Variants in TOP2B observed in about 807,000 individuals in gnomAD.
TOP2B encodes DNA topoisomerase II beta, also known as DNA topoisomerase 2-beta.
A neutral mutation model predicts 193.5 loss-of-function variants in TOP2B; 51 were observed. That is an observed-to-expected ratio of 0.26 (90% CI 0.21 to 0.33). The LOEUF (loss-of-function observed/expected upper bound fraction) is 0.33, where lower values mean the gene tolerates loss of function less well. TOP2B is among the 10% of genes least tolerant of loss of function. TOP2B has a pLI of 1.00. For synonymous variants in TOP2B, 634 were observed against 635.7 expected (o/e 1.00, Z 0.04); for missense variants, 1,378 against 1,909.3 (o/e 0.72, Z 5.19).
chr3:25,629,949 G>A, intron 13 of TOP2B, 80 bp downstream of exon 13: 1 of 1,392,668 alleles, frequency 7.2e-7, no homozygotes, highest in Non-Finnish European at 9.6e-7. Context: ...CCATCTTCGG[G>A]CAAGTCTCAT....
chr3:25,611,435 C>T (rs1185479125), intron 28 of TOP2B, among the ~76,000 whole-genome samples: 1 of 152,176 alleles, frequency 6.6e-6, no homozygotes, highest in Non-Finnish European at 1.5e-5. Context: ...GCACAGAGAA[C>T]TCTCCAATCT....
chr3:25,618,872 G>A, intron 23 of TOP2B, 23 bp from the exon 24 acceptor site: 1 of 1,537,490 alleles, frequency 6.5e-7, no homozygotes. Context: ...CATATACTTT[G>A]CAGATCATAT....
intron 4 of TOP2B, among the ~76,000 whole-genome samples, chr3:25,639,897 C>T (rs1334850315): frequency 6.6e-6 from 1 of 152,110 alleles, no homozygotes. Flanking sequence ...TGTCCATTAG[C>T]TATTAAAATT....
In TOP2B at chr3:25,633,417, C is replaced by G. The variant is rs145114742; in HGVS notation, c.1026+424G>C. ...CCCAGACATGCCACCCTCTTGGCACCTCAAATGTATTCACCAACCTAGGAG... is the reference window on the plus strand; with the variant it reads ...CCCAGACATGCCACCCTCTTGGCACGTCAAATGTATTCACCAACCTAGGAG... On this transcript the variant is annotated intron_variant, in intron 8 of 35. Coordinates refer to ENST00000264331, the MANE Select transcript of TOP2B (RefSeq NM_001330700.2). Among the ~76,000 whole-genome samples, 357 of 152,232 alleles carry G rather than the reference C, an allele frequency of 2.3e-3. 4 individuals are homozygous for G. The highest frequency in any genetic ancestry group is 8.2e-3 in the African/African-American group (341 of 41,556).
chr3:25,609,509 A>AATACTCT (rs1214948913), intron 29 of TOP2B, 59 bp downstream of exon 29: 1 of 1,550,080 alleles, frequency 6.5e-7, no homozygotes, highest in African/African-American at 1.4e-5. Flanking sequence ...AGAATCTAGT[A>AATACTCT]ATACTCTATA....
intron 13 of TOP2B, 80 bp from the exon 14 acceptor site, chr3:25,629,225 G>A (rs1702889152): frequency 9.2e-7 from 1 of 1,086,910 alleles, no homozygotes; most frequent in Admixed American, 2.9e-5. Flanking sequence ...TTTAAAACGT[G>A]AATGCAAAAA....
rs143598302 is a variant in TOP2B at position 25,653,631 on chromosome 3, T to C, written c.70-8161A>G. On this transcript the variant is annotated intron_variant, in intron 1 of 35. Coordinates refer to ENST00000264331, the MANE Select transcript of TOP2B (RefSeq NM_001330700.2). ...TTCTTCTAGAGACAAGGTTTTACCA[T>C]ATTGTCCAGGATGGTCTTAAACTCC... Among the ~76,000 whole-genome samples, 12 of 152,268 alleles carry C rather than the reference T, an allele frequency of 7.9e-5. No individual in the cohort carries two copies. In the East Asian group the frequency reaches 1.5e-3, roughly 20 times the overall value.
chr3:25,624,638 G>T, intron 19 of TOP2B, 44 bp downstream of exon 19: 1 of 1,601,856 alleles, frequency 6.2e-7, no homozygotes, highest in South Asian at 1.1e-5. Context: ...CATTCTTCAA[G>T]ACAATAATTA....
rs1210704929 is a variant in TOP2B at position 25,664,900 on chromosome 3, G to GCA, written c.-605_-604dup. 5.2e-5 allele frequency: 51 copies of GCA among 988,708 alleles called. No homozygotes were observed. In the African/African-American group the frequency reaches 8.4e-4, roughly 16 times the overall value. 61.2% of individuals were successfully genotyped at this position (988,708 alleles called of 1,614,324 possible). ...CCTCCCTCTTGTCCGGCATAACACC[G>GCA]CACACACACATTTGCACACCGGGGA... is the stretch of plus-strand genomic sequence containing the variant. On this transcript the variant is annotated 5_prime_UTR_variant, in exon 1 of 36. Transcript: ENST00000264331.
chr3:25,644,058 A>C lies in TOP2B; in HGVS notation c.241-274T>G, dbSNP rs1299391403. ...ATTAGAAACAGTATTAAATAGTTGA[A>C]AAAATAAAAACATTACTTTTCATAA... On this transcript the variant is annotated intron_variant, in intron 2 of 35. Transcript: ENST00000264331. Among the ~76,000 whole-genome samples the C allele has an allele frequency of 2.6e-5, 4 of 152,170 alleles. No individual in the cohort carries two copies. The East Asian group carries it at 7.7e-4, about 29-fold the overall frequency.
rs759564813 is a variant in TOP2B, at chr3:25,620,741, A to G, written c.2803T>C (p.Phe935Leu). Residue 935 changes from phenylalanine (F) to leucine (L), a missense_variant, in exon 22 of 36, where the codon TTT becomes CTT. Coordinates refer to ENST00000264331, the MANE Select transcript of TOP2B (RefSeq NM_001330700.2). ...QNQYAVSGEI[F>L]VVDRNTVEIT... ...TCTACTGTGTTTCTGTCCACTACAAATATTTCACCACTGACTGCATACTGG... is the reference window on the plus strand; with the variant it reads ...TCTACTGTGTTTCTGTCCACTACAAGTATTTCACCACTGACTGCATACTGG... 17 of 1,613,222 alleles carry G rather than the reference A, an allele frequency of 1.1e-5. No individual in the cohort carries two copies. Among genetic ancestry groups the G allele is most frequent in the Non-Finnish European group, 1.4e-5 (17 of 1,179,590 alleles).
At chr3:25,627,122 G>T in intron 16 of TOP2B, 65 bp downstream of exon 16, 1 of 1,145,354 alleles carries the variant, frequency 8.7e-7, no homozygotes, top group South Asian at 1.5e-5. Flanking sequence ...AACCAGGACT[G>T]GGAGGAAAGG....
In TOP2B at chr3:25,619,936, T is replaced by C; in HGVS notation, c.2989A>G (p.Lys997Glu). ...VKFVVKMTEE[K>E]LAQAEAAGLH... Reference sequence around the variant, plus strand: ...CCAGCAGCTTCTGCTTGTGCTAGTTTCTCTTCAGTCATTTTCACCACAAAT... The same window carrying C: ...CCAGCAGCTTCTGCTTGTGCTAGTTCCTCTTCAGTCATTTTCACCACAAAT... The change falls in exon 23 of 36, where the codon AAA (lysine) becomes GAA (glutamate). Residue 997 changes from lysine (K) to glutamate (E), a missense_variant. By Grantham distance (56) the Lys-to-Glu change is moderately conservative. Transcript: ENST00000264331. The C allele has an allele frequency of 6.2e-7, 1 of 1,613,344 alleles. No individual in the cohort carries two copies. Among genetic ancestry groups the C allele is most frequent in the Non-Finnish European group, 8.5e-7 (1 of 1,179,706 alleles).
At chr3:25,618,262 T>G in intron 25 of TOP2B, 156 bp downstream of exon 25, 1 of 610,442 alleles carries the variant, frequency 1.6e-6, no homozygotes. Context: ...TCCTGTACTT[T>G]ATCTGTTCTG....
Position 25,627,269 on chromosome 3 carries a change from G to C in TOP2B, c.1934C>G (p.Ala645Gly). 6.2e-7 allele frequency: 1 copy of C among 1,608,470 alleles called. No individual in the cohort carries two copies. ...KGLGTSTAKE[A>G]KEYFADMERH... ...TTCCATATCAGCAAAATATTCCTTTGCTTCTTTAGCTGTACTAGTACCCAA... is the reference window on the plus strand; with the variant it reads ...TTCCATATCAGCAAAATATTCCTTTCCTTCTTTAGCTGTACTAGTACCCAA... Residue 645 changes from alanine (A) to glycine (G), a missense_variant, in exon 16 of 36, where the codon GCA becomes GGA. Physicochemically the swap from Ala to Gly is moderately conservative, Grantham distance 60. Coordinates refer to ENST00000264331, the MANE Select transcript of TOP2B (RefSeq NM_001330700.2).
chr3:25,625,752 T>C (rs1702784745), intron 18 of TOP2B, among the ~76,000 whole-genome samples: 1 of 152,218 alleles, frequency 6.6e-6, no homozygotes, highest in African/African-American at 2.4e-5. Context: ...ATCTTTTCAG[T>C]ATATGCTATC....
At position 25,626,810 on chromosome 3, in the gene TOP2B, C is replaced by A; in HGVS notation, c.2071G>T (p.Glu691Ter). 1 of 1,607,698 alleles carries A rather than the reference C, an allele frequency of 6.2e-7. No homozygotes were observed. Among genetic ancestry groups the A allele is most frequent in the Non-Finnish European group, 8.5e-7 (1 of 1,177,412 alleles). Residue 691 changes from glutamate to a stop codon, truncating the protein, a stop_gained, in exon 17 of 36, where the codon GAA becomes TAA. Transcript: ENST00000264331. LOFTEE classifies it high-confidence loss of function. ...DRKEWLTNFM[E>*]DRRQRRLHGL... is the part of the protein sequence containing the mutation. The stretch of plus-strand genomic sequence containing the variant: ...TGTAGCCTACGCTGTCTCCGGTCTT[C>A]CATAAAATTTGTTAACCATTCTTTT...
At chr3:25,659,183 A>G (rs1703838866) in intron 1 of TOP2B, among the ~76,000 whole-genome samples, 1 of 152,134 alleles carries the variant, frequency 6.6e-6, no homozygotes, top group Non-Finnish European at 1.5e-5. Context: ...CCATCCCATG[A>G]TGTTCATTCT....
Position 25,606,102 on chromosome 3 carries a change from T to C in TOP2B, c.4319A>G (p.Lys1440Arg). The C allele has an allele frequency of 6.7e-7, 1 of 1,503,284 alleles. No homozygotes were observed. Among genetic ancestry groups the C allele is most frequent in the Non-Finnish European group, 9.0e-7 (1 of 1,116,120 alleles). The allele number at this position is 1,503,284 out of a possible 1,614,324, so 93.1% of individuals were successfully genotyped here. ...ATPEKSLHDK[K>R]SQDFGNLFSF... The stretch of plus-strand genomic sequence containing the variant: ...GAAGAGATTTCCAAAATCCTGACTT[T>C]TTTTGTCATGCAAAGATTTTCTATT... Residue 1440 changes from lysine (K) to arginine (R), a missense_variant, in exon 32 of 36, where the codon AAA (lysine) becomes AGA (arginine). Coordinates refer to ENST00000264331, the MANE Select transcript of TOP2B (RefSeq NM_001330700.2).
Sources: gnomAD v4.1 joint callset for allele counts (sites outside exome capture counted in the v4.1 genomes callset) on GRCh38, gnomAD v4.1.1 for gene constraint, MANE v1.5 for transcripts, NCBI Gene and HGNC (gene_info 2026-07-23, HGNC 2026-07-21) for gene names.